RHOU: variants seen among roughly 807,000 people sequenced by gnomAD.
The protein encoded by RHOU is rho-related GTP-binding protein RhoU.
RHOU carries 8 observed loss-of-function variants against 12.6 expected under a neutral mutation model. That is an observed-to-expected ratio of 0.64 (90% CI 0.37 to 1.15). RHOU has a LOEUF of 1.15. RHOU is among the 50% of genes most tolerant of loss of function. RHOU has a pLI of 0.01. For synonymous variants in RHOU, 161 were observed against 147.4 expected (o/e 1.09, Z -0.67); for missense variants, 258 against 347.0 (o/e 0.74, Z 2.04).
the RHOU span, among the ~76,000 whole-genome samples, chr1:228,712,961 CTA>C: frequency 1.3e-5 from 2 of 151,194 alleles, no homozygotes; most frequent in African/African-American, 2.4e-5. Context: ...CTGAGTCTGA[CTA>C]TATATATATA....
chr1:228,701,869 T>C, the RHOU span, among the ~76,000 whole-genome samples: 3 of 151,928 alleles, frequency 2.0e-5, no homozygotes, highest in African/African-American at 4.8e-5. Context: ...AATTCTCTTA[T>C]ATATGTAGTT....
chr1:228,703,034 T>C, the RHOU span, among the ~76,000 whole-genome samples: 7 of 152,180 alleles, frequency 4.6e-5, no homozygotes, highest in African/African-American at 9.7e-5. Flanking sequence ...AATATTGTAC[T>C]ATCAGTTGCT....
At chr1:228,650,147 C>T in the RHOU span, 1 of 450,430 alleles carries the variant, frequency 2.2e-6, no homozygotes, top group Non-Finnish European at 4.4e-6. Flanking sequence ...CAATGGAAAG[C>T]AGAGCTGCAC....
chr1:228,646,644 G>A, the RHOU span, among the ~76,000 whole-genome samples: 2 of 144,996 alleles, frequency 1.4e-5, no homozygotes, highest in African/African-American at 5.1e-5. Context: ...TTTGCCCCGG[G>A]CTGGCACTAG....
chr1:228,651,212 CA>C, the RHOU span: 1 of 210,290 alleles, frequency 4.8e-6, no homozygotes, highest in Non-Finnish European at 1.0e-5. Context: ...TCCCTCCTAC[CA>C]GGGGGAGGCA....
the RHOU span, among the ~76,000 whole-genome samples, chr1:228,667,610 C>T: frequency 6.6e-6 from 1 of 152,252 alleles, no homozygotes; most frequent in South Asian, 2.1e-4. Flanking sequence ...TCCATTTATC[C>T]CTCCATGTTG....
At chr1:228,676,364 G>GTTTT in the RHOU span, among the ~76,000 whole-genome samples, 1 of 152,026 alleles carries the variant, frequency 6.6e-6, no homozygotes, top group Non-Finnish European at 1.5e-5. Flanking sequence ...TTGTTTGTTT[G>GTTTT]TTTTTGCCCA....
chr1:228,711,277 A>G, the RHOU span, among the ~76,000 whole-genome samples: 14 of 152,150 alleles, frequency 9.2e-5, no homozygotes, highest in Non-Finnish European at 2.1e-4. Flanking sequence ...CAAGCTACCA[A>G]TGACTTTCTT....
At chr1:228,681,039 G>C in the RHOU span, among the ~76,000 whole-genome samples, 22,711 of 152,190 alleles carry the variant, frequency 0.15, 2,090 homozygotes, top group South Asian at 0.25. Context: ...GAGGGTAGAA[G>C]TTAGGCTGAC....
chr1:228,653,009 A>G, the RHOU span, among the ~76,000 whole-genome samples: 9 of 152,342 alleles, frequency 5.9e-5, no homozygotes, highest in Non-Finnish European at 8.8e-5. Context: ...CATAAGTTCA[A>G]TAAGAATCAC....
At position 228,743,859 on chromosome 1, in the gene RHOU, A is replaced by G. The variant is rs973550116; in HGVS notation, c.*119A>G. ...TATCGAGAGTGTGTGTATATGTATT[A>G]TAGGAGGAGCTCTCAATTTTATGTA... is the stretch of plus-strand genomic sequence containing the variant. On this transcript the variant is annotated 3_prime_UTR_variant, in exon 3 of 3. Transcript: ENST00000366691. This position sits in a 1 kb window ranked among gnomAD's most constrained non-coding sequence, Gnocchi z 5.1. 2 of 823,208 alleles carry G rather than the reference A, an allele frequency of 2.4e-6. No individual in the cohort carries two copies. The highest frequency in any genetic ancestry group is 2.1e-5 in the South Asian group (1 of 47,864). The allele number at this position is 823,208 out of a possible 1,614,324, so 51.0% of individuals were successfully genotyped here. A position where few individuals can be genotyped will look rare whatever the true frequency, so the allele number is the denominator to read the frequency against.
At chr1:228,723,674 G>C in the RHOU span, among the ~76,000 whole-genome samples, 1 of 152,188 alleles carries the variant, frequency 6.6e-6, no homozygotes, top group Admixed American at 6.5e-5. Flanking sequence ...TTACAAAAAA[G>C]GTCTTTGGAG....
At chr1:228,661,962 A>G in the RHOU span, among the ~76,000 whole-genome samples, 2 of 152,214 alleles carry the variant, frequency 1.3e-5, no homozygotes, top group African/African-American at 2.4e-5. Context: ...GAATCTACAG[A>G]GAACTTAAAC....
At position 228,735,966 on chromosome 1, in the gene RHOU, C is replaced by T. The variant is rs761639433; in HGVS notation, c.224C>T (p.Pro75Leu). Reference protein sequence around the residue: ...LVVSYTTNGYPTEYIPTAFDN... With the variant: ...LVVSYTTNGYLTEYIPTAFDN... ...GTGAGCTACACCACCAACGGCTACC[C>T]CACCGAGTACATCCCTACTGCCTTC... The change falls in exon 1 of 3, where the codon CCC becomes CTC. Residue 75 changes from proline to leucine, a missense_variant. By Grantham distance (98) the Pro-to-Leu change is moderately conservative. Transcript: ENST00000366691. This position sits in a 1 kb window ranked among gnomAD's most constrained non-coding sequence, Gnocchi z 8.1. 6 of 1,583,940 alleles carry T rather than the reference C, an allele frequency of 3.8e-6. No homozygotes were observed. The highest frequency in any genetic ancestry group is 2.4e-5 in the East Asian group (1 of 42,090).
At chr1:228,654,479 C>T in the RHOU span, among the ~76,000 whole-genome samples, 2 of 152,132 alleles carry the variant, frequency 1.3e-5, no homozygotes, top group Non-Finnish European at 2.9e-5. Flanking sequence ...CCACCTGATG[C>T]CATAATCAGA....
At chr1:228,647,394 C>G in the RHOU span, among the ~76,000 whole-genome samples, 2 of 152,200 alleles carry the variant, frequency 1.3e-5, no homozygotes, top group East Asian at 1.9e-4. Context: ...GCCTGGGTCT[C>G]TGGCGTGTCC....
At chr1:228,708,461 C>T in the RHOU span, among the ~76,000 whole-genome samples, 9 of 151,254 alleles carry the variant, frequency 6.0e-5, no homozygotes, top group African/African-American at 1.2e-4. Context: ...GCAGATCTCT[C>T]GGCAGAAACT....
the RHOU span, among the ~76,000 whole-genome samples, chr1:228,725,288 G>T: frequency 6.6e-6 from 1 of 152,186 alleles, no homozygotes; most frequent in African/African-American, 2.4e-5. Flanking sequence ...TTCCTAGGAA[G>T]GAATAGCCCA....
chr1:228,687,772 C>G, the RHOU span: 59 of 1,367,216 alleles, frequency 4.3e-5, no homozygotes, highest in African/African-American at 6.8e-4. Context: ...GAATCTGGCT[C>G]GGCGGAATAC....
Sources: gnomAD v4.1 joint callset for allele counts (sites outside exome capture counted in the v4.1 genomes callset) on GRCh38, gnomAD v4.1.1 for gene constraint, Gnocchi (gnomAD v3.1) non-coding constraint, MANE v1.5 for transcripts, NCBI Gene and HGNC (gene_info 2026-07-23, HGNC 2026-07-21) for gene names.